NCALD: variants seen among roughly 807,000 people sequenced by gnomAD.
NCALD encodes neurocalcin delta, also known as neurocalcin-delta.
Under a neutral mutation model 18.6 loss-of-function variants are expected in NCALD, and 10 were observed. That is an observed-to-expected ratio of 0.54 (90% CI 0.33 to 0.91). The LOEUF is 0.91. Among genes scored for constraint, NCALD ranks in the 40% least tolerant of loss-of-function variants. The pLI, the probability that NCALD is intolerant of heterozygous loss-of-function variation, is 0.03. For synonymous variants in NCALD, 88 were observed against 87.4 expected (o/e 1.01, Z -0.04); for missense variants, 184 against 247.6 (o/e 0.74, Z 1.72).
chr8:101,795,675 C>T (rs1289067217), upstream of NCALD, among the ~76,000 whole-genome samples: 1 of 152,180 alleles, frequency 6.6e-6, no homozygotes, highest in Non-Finnish European at 1.5e-5. Context: ...CACAAACATT[C>T]AGTGAAGCAC....
intron 1 of NCALD, among the ~76,000 whole-genome samples, chr8:101,742,674 A>G (rs1008650666): frequency 1.3e-5 from 2 of 151,484 alleles, no homozygotes; most frequent in African/African-American, 2.4e-5. Flanking sequence ...ATTTTTTTTT[A>G]AGTTTAGGTT....
intron 1 of NCALD, among the ~76,000 whole-genome samples, chr8:102,049,921 G>C (rs1823374516): frequency 6.6e-6 from 1 of 151,674 alleles, no homozygotes. Flanking sequence ...CCAGCACTTT[G>C]GGAGGCCGAG....
intron 1 of NCALD, among the ~76,000 whole-genome samples, chr8:101,747,306 C>G (rs1444808619): frequency 2.6e-5 from 4 of 152,176 alleles, no homozygotes; most frequent in African/African-American, 9.7e-5. Context: ...CAGGAAAGGA[C>G]AGCTGCTAGA....
chr8:101,934,495 GAA>G (rs1229162196), intron 2 of NCALD, among the ~76,000 whole-genome samples: 4 of 152,006 alleles, frequency 2.6e-5, no homozygotes, highest in Admixed American at 6.6e-5. Context: ...ACAAGCAGAA[GAA>G]AAGAGACCCA....
At chr8:101,773,616 G>C (rs923979636) in intron 1 of NCALD, among the ~76,000 whole-genome samples, 2 of 152,114 alleles carry the variant, frequency 1.3e-5, no homozygotes, top group Admixed American at 6.6e-5. Context: ...CAATGCCCAG[G>C]CCTCATACTT....
At chr8:102,044,253 G>A (rs534582290) in intron 1 of NCALD, among the ~76,000 whole-genome samples, 9 of 152,116 alleles carry the variant, frequency 5.9e-5, no homozygotes, top group African/African-American at 1.7e-4. Flanking sequence ...TGGAGATGCT[G>A]TAAAGTTATT....
intron 1 of NCALD, among the ~76,000 whole-genome samples, chr8:101,763,397 A>G (rs983553882): frequency 2.0e-5 from 3 of 152,178 alleles, no homozygotes; most frequent in African/African-American, 7.2e-5. Context: ...AAATGACTCC[A>G]AGGTTTTTGG....
intron 4 of NCALD, among the ~76,000 whole-genome samples, chr8:101,878,313 CTG>C (rs942261641): frequency 6.6e-6 from 1 of 152,222 alleles, no homozygotes; most frequent in African/African-American, 2.4e-5. Flanking sequence ...AAATGTTACT[CTG>C]TCCCATAGAA....
intron 1 of NCALD, among the ~76,000 whole-genome samples, chr8:101,768,718 A>G (rs1189103733): frequency 1.1e-5 from 1 of 94,174 alleles, no homozygotes; most frequent in African/African-American, 3.4e-5. Context: ...CAAAAAACAA[A>G]AAAACAAAAA....
intron 4 of NCALD, chr8:101,872,288 T>G: frequency 7.3e-7 from 1 of 1,361,746 alleles, no homozygotes; most frequent in Non-Finnish European, 1.0e-6. Context: ...AATTTATTCT[T>G]CAGTTTAATT....
At chr8:101,907,233 A>G (rs1374871945) in intron 3 of NCALD, among the ~76,000 whole-genome samples, 1 of 152,292 alleles carries the variant, frequency 6.6e-6, no homozygotes, top group African/African-American at 2.4e-5. Context: ...CCTCATCATC[A>G]TCGTCAACAT....
At chr8:101,706,808 C>G (rs973514043) in intron 2 of NCALD, among the ~76,000 whole-genome samples, 1 of 152,184 alleles carries the variant, frequency 6.6e-6, no homozygotes, top group African/African-American at 2.4e-5. Flanking sequence ...AGCTAGGAAG[C>G]ACTCATTCAT....
At chr8:101,986,371 A>G (rs1820812511) in intron 2 of NCALD, 1 of 152,268 alleles carries the variant, frequency 6.6e-6, no homozygotes, top group African/African-American at 2.4e-5. Flanking sequence ...TTATGGTACT[A>G]TGGCTTCGCC....
chr8:101,777,628 G>A (rs1242115230), intron 1 of NCALD, among the ~76,000 whole-genome samples: 3 of 152,206 alleles, frequency 2.0e-5, no homozygotes, highest in East Asian at 3.8e-4. Context: ...AGTAAGGCAT[G>A]TACCATGGCC....
intron 1 of NCALD, among the ~76,000 whole-genome samples, chr8:102,054,668 A>C (rs1033955097): frequency 1.9e-5 from 1 of 53,868 alleles, no homozygotes; most frequent in South Asian, 7.8e-4. Flanking sequence ...TCCGATAGAT[A>C]GATAGATAGA....
chr8:101,804,469 AAAG>A (rs1490839482), intron 4 of NCALD, among the ~76,000 whole-genome samples: 5 of 124,614 alleles, frequency 4.0e-5, no homozygotes, highest in Non-Finnish European at 6.2e-5. Context: ...AATATATAAC[AAAG>A]ATTATTATAT....
intron 1 of NCALD, among the ~76,000 whole-genome samples, chr8:102,053,314 T>G (rs1170567222): frequency 6.6e-6 from 1 of 152,240 alleles, no homozygotes; most frequent in East Asian, 1.9e-4. Context: ...ATATTAAATA[T>G]GTATTTGGTA....
At chr8:101,913,738 A>G (rs1332030722) in intron 3 of NCALD, among the ~76,000 whole-genome samples, 1 of 152,006 alleles carries the variant, frequency 6.6e-6, no homozygotes. Flanking sequence ...ATGCACCACC[A>G]CGCCCAGCTA....
At chr8:101,768,865 C>CCTGTGAAT (rs1811466058) in intron 1 of NCALD, among the ~76,000 whole-genome samples, 1 of 152,092 alleles carries the variant, frequency 6.6e-6, no homozygotes. Flanking sequence ...ATCCCTGAAA[C>CCTGTGAAT]CTGTGAATGG....
Sources: gnomAD v4.1 joint callset for allele counts (sites outside exome capture counted in the v4.1 genomes callset) on GRCh38, gnomAD v4.1.1 for gene constraint, MANE v1.5 for transcripts, NCBI Gene and HGNC (gene_info 2026-07-23, HGNC 2026-07-21) for gene names.